The following CTBP2 variants were observed in gnomAD, a reference collection of about 807,000 sequenced individuals.
CTBP2 encodes C-terminal binding protein 2.
In CTBP2, 30 loss-of-function variants were observed where a neutral mutation model predicts 80.3. The ratio of observed to expected loss-of-function variants is 0.37; its 90% CI spans 0.28 to 0.51. The LOEUF (loss-of-function observed/expected upper bound fraction) is 0.51. Among genes scored for constraint, CTBP2 ranks in the 20% least tolerant of loss-of-function variants. CTBP2 has a pLI of 0.93. For synonymous variants in CTBP2, 594 were observed against 587.4 expected (o/e 1.01, Z -0.16); for missense variants, 1,212 against 1,375.3 (o/e 0.88, Z 1.88).
intron 1 of CTBP2, among the ~76,000 whole-genome samples, chr10:125,149,139 C>A (rs1477475104): frequency 6.6e-6 from 1 of 152,192 alleles, no homozygotes; most frequent in Admixed American, 6.5e-5. Context: ...AGGGGACACA[C>A]CATAGACACG....
chr10:125,078,991 A>C (rs1846739549), intron 2 of CTBP2, among the ~76,000 whole-genome samples: 1 of 150,964 alleles, frequency 6.6e-6, no homozygotes, highest in Non-Finnish European at 1.5e-5. Flanking sequence ...ATACAAAAAA[A>C]AAAAAACGAG....
intron 1 of CTBP2, among the ~76,000 whole-genome samples, chr10:125,118,329 C>T (rs181740007): frequency 4.6e-5 from 7 of 152,176 alleles, no homozygotes; most frequent in East Asian, 1.9e-4. Flanking sequence ...GGCTCCAGGA[C>T]GGAGAAATAA....
chr10:125,099,103 A>G (rs368491700), intron 2 of CTBP2, among the ~76,000 whole-genome samples: 7 of 152,362 alleles, frequency 4.6e-5, no homozygotes, highest in African/African-American at 1.7e-4. Context: ...TTCAGTACGC[A>G]CAGGTTTATA....
intron 1 of CTBP2, among the ~76,000 whole-genome samples, chr10:125,128,636 T>G (rs1226098977): frequency 6.6e-6 from 1 of 152,026 alleles, no homozygotes; most frequent in Non-Finnish European, 1.5e-5. Context: ...CCACTCACCC[T>G]CCCATCCCAC....
chr10:125,142,214 C>T (rs1048527328), intron 1 of CTBP2, among the ~76,000 whole-genome samples: 1 of 152,146 alleles, frequency 6.6e-6, no homozygotes, highest in East Asian at 1.9e-4. Context: ...GCTTTTGGTC[C>T]GACCTGTCCA....
chr10:125,019,251 C>G (rs964123712), intron 1 of CTBP2, among the ~76,000 whole-genome samples: 3 of 152,144 alleles, frequency 2.0e-5, no homozygotes, highest in East Asian at 3.9e-4. Context: ...GACAACTGCA[C>G]GTTTAATCAC....
chr10:125,101,706 T>C (rs543354998), intron 2 of CTBP2, among the ~76,000 whole-genome samples: 1 of 152,336 alleles, frequency 6.6e-6, no homozygotes, highest in South Asian at 2.1e-4. Context: ...GAAATGTTCA[T>C]TGCAACATAG....
chr10:125,133,287 T>G (rs909412464), intron 1 of CTBP2, among the ~76,000 whole-genome samples: 16 of 152,124 alleles, frequency 1.1e-4, no homozygotes, highest in African/African-American at 3.9e-4. Context: ...TGATTACTGG[T>G]AAGTATGTAG....
chr10:125,028,092 A>G (rs1957840110), upstream of CTBP2: 2 of 278,414 alleles, frequency 7.2e-6, no homozygotes, highest in South Asian at 7.2e-5. Flanking sequence ...GGGCTCTCTC[A>G]GCATGCGGAT....
chr10:125,041,771 C>A (rs1959897244), intron 2 of CTBP2, among the ~76,000 whole-genome samples: 2 of 152,150 alleles, frequency 1.3e-5, no homozygotes, highest in African/African-American at 4.8e-5. Flanking sequence ...CCTCCTCCCC[C>A]AACCCCCGAG....
chr10:125,019,333 A>G (rs1316649445), intron 1 of CTBP2, among the ~76,000 whole-genome samples: 4 of 152,204 alleles, frequency 2.6e-5, no homozygotes, highest in Admixed American at 2.0e-4. Flanking sequence ...TCATAAACTT[A>G]CCAAAAAAAC....
chr10:125,037,277 C>T (rs1959000450), intron 3 of CTBP2, among the ~76,000 whole-genome samples: 1 of 152,182 alleles, frequency 6.6e-6, no homozygotes, highest in African/African-American at 2.4e-5. Flanking sequence ...GCCATGGAAA[C>T]ACACAGAGGA....
rs191138143 is a variant in CTBP2, at chr10:125,055,948, T to C, written c.-101-16793A>G. On this transcript the variant is annotated intron_variant, in intron 2 of 10. Coordinates refer to the CTBP2 transcript ENST00000337195. Reference sequence around the variant, plus strand: ...TTGGGAGGCCGAGGTGGGCAGATCATGAGTCCAGGAGTTCGAGACCAGCCT... The same window carrying C: ...TTGGGAGGCCGAGGTGGGCAGATCACGAGTCCAGGAGTTCGAGACCAGCCT... Among the ~76,000 whole-genome samples, 346 of 152,176 alleles carry C rather than the reference T, an allele frequency of 2.3e-3. 1 individual carries two copies. The highest frequency in any genetic ancestry group is 7.9e-3 in the African/African-American group (328 of 41,512).
At position 125,026,455 on chromosome 10, in the gene CTBP2, G is replaced by A; in HGVS notation, c.1305C>T (p.Ser435=). The A allele has an allele frequency of 6.2e-7, 1 of 1,600,500 alleles. No individual in the cohort carries two copies. The highest frequency in any genetic ancestry group is 8.5e-7 in the Non-Finnish European group (1 of 1,170,580). The stretch of plus-strand genomic sequence containing the variant: ...GGGTGGGAGAGCTGTACCCGGAGTT[G>A]GAGGGGAAGTGTGGGGCATGGGTGC... The change falls in exon 1 of 9, where the codon TCC becomes TCT. Residue 435 remains serine (S), a synonymous_variant. Coordinates refer to ENST00000309035, the MANE Select transcript of CTBP2 (RefSeq NM_022802.3).
intron 1 of CTBP2, chr10:125,158,711 G>T (rs1164840829): frequency 6.6e-6 from 1 of 151,902 alleles, no homozygotes; most frequent in Non-Finnish European, 1.5e-5. Context: ...CGCAGAGCGG[G>T]GATTTCTACG....
intron 2 of CTBP2, 72 bp downstream of exon 4, chr10:125,003,266 T>C: frequency 1.3e-6 from 2 of 1,588,914 alleles, no homozygotes; most frequent in East Asian, 4.5e-5. Flanking sequence ...CTTGGGGCGA[T>C]CTAATGGGGG....
intron 3 of CTBP2, among the ~76,000 whole-genome samples, chr10:125,035,723 G>T (rs550147234): frequency 8.5e-5 from 13 of 152,302 alleles, no homozygotes; most frequent in African/African-American, 2.9e-4. Flanking sequence ...CCAACCAATA[G>T]ATGTTTGGGG....
intron 1 of CTBP2, among the ~76,000 whole-genome samples, chr10:125,136,423 G>A (rs1856983580): frequency 6.6e-6 from 1 of 152,208 alleles, no homozygotes; most frequent in African/African-American, 2.4e-5. Flanking sequence ...GAGCAGGTCA[G>A]GCTTGTTCAG....
intron 2 of CTBP2, among the ~76,000 whole-genome samples, chr10:125,085,426 G>T (rs548885090): frequency 3.7e-4 from 56 of 152,330 alleles, no homozygotes; most frequent in African/African-American, 1.3e-3. Flanking sequence ...AGAAAGCTCT[G>T]CGGGCATATG....
Sources: allele counts gnomAD v4.1 joint callset (sites outside exome capture counted in the v4.1 genomes callset), GRCh38; gene constraint gnomAD v4.1.1; transcripts MANE v1.5; gene names NCBI Gene and HGNC (gene_info 2026-07-23, HGNC 2026-07-21).